Variants in C2orf49 observed in about 807,000 individuals in gnomAD.
C2orf49 encodes tRNA-splicing ligase complex subunit ASW.
A neutral mutation model predicts 20.6 loss-of-function variants in C2orf49; 11 were observed. The observed-to-expected ratio is 0.53, with a 90% confidence interval of 0.34 to 0.88. The LOEUF (loss-of-function observed/expected upper bound fraction) is 0.88, where lower values mean the gene tolerates loss of function less well. Ranked by LOEUF, C2orf49 falls within the 40% of genes least tolerant of loss-of-function variation. The probability of loss-of-function intolerance (pLI) is 0.02; values close to 1 mark genes in which losing one functional copy is unlikely to be tolerated. For synonymous variants in C2orf49, 134 were observed against 108.5 expected (o/e 1.24, Z -1.46); for missense variants, 289 against 274.2 (o/e 1.05, Z -0.38).
chr2:105,365,174 C>G, the C2orf49 span, among the ~76,000 whole-genome samples: 2 of 152,190 alleles, frequency 1.3e-5, no homozygotes, highest in Non-Finnish European at 2.9e-5. Context: ...GCCCCCAACT[C>G]CTCAGATTAG....
chr2:105,337,838 C>T, intron 1 of C2orf49, 152 bp downstream of exon 1: 2 of 655,616 alleles, frequency 3.1e-6, no homozygotes, highest in Non-Finnish European at 5.2e-6. Context: ...GCTGTCTCCT[C>T]GCTCCTGCTC....
chr2:105,367,734 G>A, the C2orf49 span: 754 of 1,613,304 alleles, frequency 4.7e-4, no homozygotes, highest in Non-Finnish European at 5.9e-4. Flanking sequence ...TCCATCTTGC[G>A]GGTACCTGTC....
the C2orf49 span, chr2:105,377,847 T>TCGG: frequency 1.7e-5 from 6 of 354,348 alleles, no homozygotes; most frequent in East Asian, 7.5e-5. Context: ...GAGGAGATCC[T>TCGG]TGGCCTCTCT....
chr2:105,358,859 C>G, the C2orf49 span: 1 of 152,282 alleles, frequency 6.6e-6, no homozygotes, highest in African/African-American at 2.4e-5. Context: ...TAAGTTCATG[C>G]GACGAACTTG....
chr2:105,381,310 G>A, the C2orf49 span, among the ~76,000 whole-genome samples: 1 of 152,140 alleles, frequency 6.6e-6, no homozygotes, highest in South Asian at 2.1e-4. Flanking sequence ...CAGCAGAAAT[G>A]ACAGCACTGT....
the C2orf49 span, among the ~76,000 whole-genome samples, chr2:105,357,038 C>T: frequency 6.6e-6 from 1 of 152,142 alleles, no homozygotes. Context: ...GCCTCAAACT[C>T]CTAGACTCAA....
chr2:105,373,380 G>T, the C2orf49 span: 80 of 660,422 alleles, frequency 1.2e-4, no homozygotes, highest in East Asian at 1.1e-3. Context: ...TACTGCCCAT[G>T]ATAGAACCTG....
rs1300166369 is a variant in C2orf49 at position 105,347,026 on chromosome 2, A to G, written c.*1655A>G. ...TCTTATTCCTCTTTTGATTTGTTAA[A>G]CAAGCATTTTAGTTCAGCTATTGAA... On this transcript the variant is annotated 3_prime_UTR_variant, in exon 4 of 4. Coordinates refer to ENST00000258457, the MANE Select transcript of C2orf49 (RefSeq NM_024093.3). 6.6e-6 allele frequency: 1 copy of G among 152,210 alleles called. No homozygotes were observed. 9.4% of individuals were successfully genotyped at this position (152,210 alleles called of 1,614,324 possible). A position where few individuals can be genotyped will look rare whatever the true frequency, so the allele number is the denominator to read the frequency against.
the C2orf49 span, chr2:105,377,853 T>C: frequency 2.8e-6 from 1 of 355,212 alleles, no homozygotes. Context: ...ATCCTTGGCC[T>C]CTCTCTGGGA....
the C2orf49 span, among the ~76,000 whole-genome samples, chr2:105,363,640 C>A: frequency 5.3e-5 from 8 of 152,204 alleles, no homozygotes; most frequent in African/African-American, 1.9e-4. Context: ...CCTCACCACA[C>A]GCTTTCATTC....
chr2:105,359,215 GA>G, the C2orf49 span: 1 of 152,204 alleles, frequency 6.6e-6, no homozygotes, highest in African/African-American at 2.4e-5. Context: ...ATTAATTTTA[GA>G]ATGGGTAATT....
In C2orf49 at chr2:105,342,978, A is replaced by G; in HGVS notation, c.397A>G (p.Ser133Gly). Residue 133 changes from serine (S) to glycine (G), a missense_variant, in exon 3 of 4, where the codon AGC becomes GGC. Ser to Gly is a moderately conservative substitution (Grantham distance 56). Coordinates refer to ENST00000258457, the MANE Select transcript of C2orf49 (RefSeq NM_024093.3). Reference protein sequence around the residue: ...NDRLKPPPQASFTSNAFRKLS... With the variant: ...NDRLKPPPQAGFTSNAFRKLS... ...TCGACTGAAGCCTCCCCCGCAGGCA[A>G]GCTTTACCAGTAATGCCTTTAGAAA... is the stretch of plus-strand genomic sequence containing the variant. 1.2e-6 allele frequency: 2 copies of G among 1,614,272 alleles called. No individual in the cohort carries two copies. Among genetic ancestry groups the G allele is most frequent in the Non-Finnish European group, 1.7e-6 (2 of 1,180,054 alleles).
chr2:105,381,761 C>T, the C2orf49 span, among the ~76,000 whole-genome samples: 59 of 152,196 alleles, frequency 3.9e-4, no homozygotes, highest in Non-Finnish European at 5.0e-4. Flanking sequence ...AAATTCTACA[C>T]GGAAGAAGAT....
At chr2:105,339,911 A>G (rs1044030594) in intron 2 of C2orf49, among the ~76,000 whole-genome samples, 162 bp downstream of exon 2, 10 of 152,234 alleles carry the variant, frequency 6.6e-5, no homozygotes, top group African/African-American at 2.4e-4. Flanking sequence ...AAAACTGACA[A>G]AATTCCCTGC....
chr2:105,373,492 G>A, the C2orf49 span: 3 of 1,558,822 alleles, frequency 1.9e-6, no homozygotes, highest in East Asian at 2.2e-5. Context: ...TGAACAGGGG[G>A]TCAGAGGAAC....
At chr2:105,381,221 T>C in the C2orf49 span, among the ~76,000 whole-genome samples, 5 of 152,282 alleles carry the variant, frequency 3.3e-5, no homozygotes, top group South Asian at 8.3e-4. Flanking sequence ...TGAAAAGATA[T>C]TTTCTGCTTG....
intron 3 of C2orf49, among the ~76,000 whole-genome samples, chr2:105,344,364 C>T (rs1476199297): frequency 6.6e-6 from 1 of 151,746 alleles, no homozygotes; most frequent in African/African-American, 2.4e-5. Flanking sequence ...AAGGAGTAAG[C>T]CTCAGAGAAT....
the C2orf49 span, among the ~76,000 whole-genome samples, chr2:105,366,948 G>A: frequency 6.6e-6 from 1 of 152,130 alleles, no homozygotes; most frequent in East Asian, 1.9e-4. Flanking sequence ...GTTTCATCAT[G>A]TTGCCCAGGC....
the C2orf49 span, among the ~76,000 whole-genome samples, chr2:105,370,213 C>G: frequency 6.6e-6 from 1 of 151,728 alleles, no homozygotes; most frequent in Non-Finnish European, 1.5e-5. Context: ...TCTCTACCCC[C>G]CCAAAAAAAA....
Sources: allele counts gnomAD v4.1 joint callset (sites outside exome capture counted in the v4.1 genomes callset), GRCh38; gene constraint gnomAD v4.1.1; transcripts MANE v1.5; gene names NCBI Gene and HGNC (gene_info 2026-07-23, HGNC 2026-07-21).